The following ADAMTS12 variants were observed in gnomAD, a reference collection of about 807,000 sequenced individuals.
ADAMTS12 encodes A disintegrin and metalloproteinase with thrombospondin motifs 12.
In ADAMTS12, 118 loss-of-function variants were observed where a neutral mutation model predicts 167.8. The ratio of observed to expected loss-of-function variants is 0.70; its 90% CI spans 0.61 to 0.82. The LOEUF (loss-of-function observed/expected upper bound fraction) is 0.82, where lower values mean the gene tolerates loss of function less well. Among genes scored for constraint, ADAMTS12 ranks in the 40% least tolerant of loss-of-function variants. ADAMTS12 has a pLI of 0.00. For synonymous variants in ADAMTS12, 704 were observed against 716.9 expected, an observed-to-expected ratio of 0.98 and a Z score of 0.29; for missense variants, 1,916 against 1,998.8, an observed-to-expected ratio of 0.96 and a Z score of 0.79.
At chr5:33,736,062 T>A (rs888490327) in intron 3 of ADAMTS12, among the ~76,000 whole-genome samples, 2 of 151,294 alleles carry the variant, frequency 1.3e-5, no homozygotes, top group Non-Finnish European at 2.9e-5. Flanking sequence ...TTGCTGTTTT[T>A]TTTTTTTCTT....
intron 3 of ADAMTS12, among the ~76,000 whole-genome samples, chr5:33,689,141 A>ACTGGTGC (rs1263953980): frequency 5.3e-5 from 8 of 152,218 alleles, no homozygotes; most frequent in Non-Finnish European, 1.2e-4. Flanking sequence ...CAAGAGCCCA[A>ACTGGTGC]CTGGTGCTAA....
intron 13 of ADAMTS12, among the ~76,000 whole-genome samples, chr5:33,630,272 T>A (rs972052678): frequency 8.5e-5 from 13 of 152,204 alleles, no homozygotes; most frequent in Non-Finnish European, 5.9e-5. Context: ...ACACATCAGG[T>A]CTAAATAATT....
At chr5:33,712,338 A>G (rs1198794958) in intron 3 of ADAMTS12, among the ~76,000 whole-genome samples, 1 of 152,146 alleles carries the variant, frequency 6.6e-6, no homozygotes, top group African/African-American at 2.4e-5. Context: ...AGCACATACC[A>G]CCCTCAAGAA....
intron 16 of ADAMTS12, among the ~76,000 whole-genome samples, chr5:33,597,837 AG>A (rs1001119768): frequency 3.9e-5 from 6 of 152,130 alleles, no homozygotes; most frequent in African/African-American, 1.2e-4. Context: ...GGGGGAAAAA[AG>A]TTTAGCTGCT....
chr5:33,879,952 G>T (rs1347723367), intron 2 of ADAMTS12, among the ~76,000 whole-genome samples: 1 of 152,156 alleles, frequency 6.6e-6, no homozygotes, highest in Non-Finnish European at 1.5e-5. Flanking sequence ...ACCAGCCCTG[G>T]CACAGGGACC....
chr5:33,742,317 A>G (rs1355081835), intron 3 of ADAMTS12, among the ~76,000 whole-genome samples: 2 of 132,340 alleles, frequency 1.5e-5, no homozygotes, highest in African/African-American at 5.7e-5. Flanking sequence ...TAACAAGTAA[A>G]CTTCCTTCCC....
intron 22 of ADAMTS12, among the ~76,000 whole-genome samples, chr5:33,537,652 A>G (rs1744483842): frequency 1.3e-5 from 2 of 152,224 alleles, no homozygotes; most frequent in African/African-American, 4.8e-5. Context: ...TGTGCCTAAT[A>G]TAATTCCTGC....
intron 3 of ADAMTS12, among the ~76,000 whole-genome samples, chr5:33,738,911 A>C (rs1293031419): frequency 6.6e-6 from 1 of 152,202 alleles, no homozygotes. Flanking sequence ...TCAATTTAGC[A>C]GTAGTAATTC....
chr5:33,870,898 G>T (rs987167820), intron 2 of ADAMTS12, among the ~76,000 whole-genome samples: 1 of 152,110 alleles, frequency 6.6e-6, no homozygotes, highest in Non-Finnish European at 1.5e-5. Context: ...AGTTTTCTGA[G>T]GTATCCTCAA....
At chr5:33,580,165 G>A (rs1475480743) in intron 18 of ADAMTS12, among the ~76,000 whole-genome samples, 1 of 152,206 alleles carries the variant, frequency 6.6e-6, no homozygotes, top group South Asian at 2.1e-4. Context: ...CAGGAGTGAA[G>A]AAAAGCTACT....
At chr5:33,883,705 G>A (rs1750538276) in intron 1 of ADAMTS12, among the ~76,000 whole-genome samples, 1 of 152,172 alleles carries the variant, frequency 6.6e-6, no homozygotes, top group Non-Finnish European at 1.5e-5. Flanking sequence ...GGTTTTCCAT[G>A]GGGAAGAATT....
At chr5:33,818,894 A>G (rs1350072165) in intron 2 of ADAMTS12, among the ~76,000 whole-genome samples, 1 of 152,134 alleles carries the variant, frequency 6.6e-6, no homozygotes, top group Admixed American at 6.5e-5. Context: ...CTATTAAGAA[A>G]TATCTATTCA....
chr5:33,800,797 A>AT (rs1158409570), intron 2 of ADAMTS12, among the ~76,000 whole-genome samples: 1 of 152,164 alleles, frequency 6.6e-6, no homozygotes, highest in Non-Finnish European at 1.5e-5. Flanking sequence ...ATATCCAGAA[A>AT]TTTTGTGAGC....
At chr5:33,880,957 A>C (rs1272788124) in intron 2 of ADAMTS12, 162 bp downstream of exon 2, 2 of 1,015,588 alleles carry the variant, frequency 2.0e-6, no homozygotes, top group Non-Finnish European at 2.8e-6. Context: ...TCTTTTATTT[A>C]TTAAATACTT....
At chr5:33,774,229 G>A (rs1027936358) in intron 2 of ADAMTS12, among the ~76,000 whole-genome samples, 5 of 152,026 alleles carry the variant, frequency 3.3e-5, no homozygotes, top group African/African-American at 4.8e-5. Flanking sequence ...GAATACAGCC[G>A]TAAACGAACC....
intron 3 of ADAMTS12, among the ~76,000 whole-genome samples, chr5:33,693,801 C>T (rs1469814928): frequency 6.6e-6 from 1 of 152,112 alleles, no homozygotes; most frequent in Non-Finnish European, 1.5e-5. Context: ...TAACACAGTA[C>T]TGGGAGTCTT....
chr5:33,564,482 C>A (rs1364532894), intron 19 of ADAMTS12, among the ~76,000 whole-genome samples: 3 of 152,188 alleles, frequency 2.0e-5, no homozygotes, highest in Admixed American at 2.0e-4. Flanking sequence ...ATATCAAAGA[C>A]TTATGAGCAG....
chr5:33,887,282 T>G (rs1750669230), intron 1 of ADAMTS12, among the ~76,000 whole-genome samples: 2 of 152,182 alleles, frequency 1.3e-5, no homozygotes, highest in Admixed American at 1.3e-4. Flanking sequence ...TTATTAACTG[T>G]ATCCCTCATC....
intron 3 of ADAMTS12, among the ~76,000 whole-genome samples, chr5:33,748,678 T>C (rs1744874765): frequency 6.6e-6 from 1 of 152,156 alleles, no homozygotes; most frequent in African/African-American, 2.4e-5. Context: ...AAAAGCAAAA[T>C]GCTCCATATA....
Sources: gnomAD v4.1 joint callset for allele counts (sites outside exome capture counted in the v4.1 genomes callset) on GRCh38, gnomAD v4.1.1 for gene constraint, MANE v1.5 for transcripts, NCBI Gene and HGNC (gene_info 2026-07-23, HGNC 2026-07-21) for gene names.